Variants in SLC16A14 observed in about 807,000 individuals in gnomAD.
SLC16A14 encodes solute carrier family 16 member 14.
SLC16A14 carries 14 observed loss-of-function variants against 35.8 expected under a neutral mutation model. The ratio of observed to expected loss-of-function variants is 0.39; its 90% CI spans 0.26 to 0.61. SLC16A14 has a LOEUF of 0.61. Ranked by LOEUF, SLC16A14 falls within the 20% of genes least tolerant of loss-of-function variation. The pLI is 0.51. For missense variants in SLC16A14, 533 were observed against 655.0 expected, an observed-to-expected ratio of 0.81 and a Z score of 2.03; for synonymous variants, 248 against 258.9, an observed-to-expected ratio of 0.96 and a Z score of 0.40.
intron 4 of SLC16A14, among the ~76,000 whole-genome samples, chr2:230,043,006 T>C (rs1339954519): frequency 6.6e-6 from 1 of 152,262 alleles, no homozygotes; most frequent in East Asian, 1.9e-4. Flanking sequence ...TTTCTGGTTA[T>C]GTGACAGAAA....
At chr2:230,059,430 G>A in intron 1 of SLC16A14, 64 bp from the exon 2 acceptor site, 1 of 1,290,100 alleles carries the variant, frequency 7.8e-7, no homozygotes, top group Non-Finnish European at 1.1e-6. Flanking sequence ...CATCTTCTTT[G>A]TGCAGCTCTA....
intron 2 of SLC16A14, among the ~76,000 whole-genome samples, chr2:230,055,359 G>A (rs2077696470): frequency 6.6e-6 from 1 of 152,140 alleles, no homozygotes; most frequent in African/African-American, 2.4e-5. Context: ...AGGAAGCTTG[G>A]GATAATGGAC....
At chr2:230,052,974 G>T (rs1253962523) in intron 2 of SLC16A14, among the ~76,000 whole-genome samples, 1 of 149,454 alleles carries the variant, frequency 6.7e-6, no homozygotes, top group Non-Finnish European at 1.5e-5. Context: ...AGAGTTTCAC[G>T]CTTGTTGCCC....
rs764625533 is a variant in SLC16A14, at chr2:230,049,804, A to G, written c.360T>C (p.Ala120=). The change falls in exon 3 of 5, where the codon GCT becomes GCC. Residue 120 remains alanine, a synonymous_variant. Coordinates refer to ENST00000295190, the MANE Select transcript of SLC16A14 (RefSeq NM_152527.5). ...TAATGAAGAGATAATGCACGTTTGC[A>G]GCATAGGCACTCAACACCCAGCCCA... ...NSLGWVLSAY[A]ANVHYLFITF... 2.5e-6 allele frequency: 4 copies of G among 1,614,228 alleles called. No homozygotes were observed.
At chr2:230,062,366 T>TTTG (rs61181133) in intron 1 of SLC16A14, among the ~76,000 whole-genome samples, 1 of 150,228 alleles carries the variant, frequency 6.7e-6, no homozygotes. Flanking sequence ...TTTTTTTTTT[T>TTTG]GAGACAGGGT....
At chr2:230,065,521 C>A (rs3923567) in intron 1 of SLC16A14, among the ~76,000 whole-genome samples, 105,489 of 152,044 alleles carry the variant, frequency 0.69, 37,339 homozygotes, top group East Asian at 0.92. Flanking sequence ...TCTCAAAGTG[C>A]TGGGATTACA....
At chr2:230,048,504 G>A (rs918827253) in intron 3 of SLC16A14, among the ~76,000 whole-genome samples, 5 of 152,222 alleles carry the variant, frequency 3.3e-5, no homozygotes, top group Non-Finnish European at 7.3e-5. Flanking sequence ...GATTGTGGTG[G>A]CTGGCAGCCA....
intron 1 of SLC16A14, among the ~76,000 whole-genome samples, chr2:230,065,011 AAAAC>A (rs200915638): frequency 0.017 from 2,578 of 152,328 alleles, 30 homozygotes; most frequent in Non-Finnish European, 0.026. Context: ...ACTCCATCTC[AAAAC>A]AAACAAACAA....
In SLC16A14 at chr2:230,063,275, A is replaced by G. The variant is rs146854702; in HGVS notation, c.-14-3909T>C. Among the ~76,000 whole-genome samples, 912 of 137,388 alleles carry G rather than the reference A, an allele frequency of 6.6e-3. 10 individuals carry two copies. Among genetic ancestry groups the G allele is most frequent in the African/African-American group, 0.022 (800 of 36,170 alleles). The allele number at this position is 137,388 out of a possible 152,430, so 90.1% of individuals were successfully genotyped here. ...CACTGCACTCCAGCCTGGGTTAAAG[A>G]GCGAAACTCTGTCTCAAAAAAAAAA... On this transcript the variant is annotated intron_variant, in intron 1 of 4. Coordinates refer to ENST00000295190, the MANE Select transcript of SLC16A14 (RefSeq NM_152527.5).
intron 2 of SLC16A14, among the ~76,000 whole-genome samples, chr2:230,057,152 AC>A: frequency 6.6e-6 from 1 of 152,290 alleles, no homozygotes; most frequent in East Asian, 1.9e-4. Context: ...CAACTGAAAA[AC>A]GTCATAGTGG....
intron 1 of SLC16A14, among the ~76,000 whole-genome samples, chr2:230,060,492 GC>G (rs1485527948): frequency 6.6e-6 from 1 of 150,952 alleles, no homozygotes; most frequent in Admixed American, 6.6e-5. Flanking sequence ...ACAGGTACAT[GC>G]CACCATGCCT....
In SLC16A14 at chr2:230,037,332, G is replaced by C; in HGVS notation, c.*48C>G. 4.0e-6 allele frequency: 6 copies of C among 1,500,032 alleles called. No individual in the cohort carries two copies. Among genetic ancestry groups the C allele is most frequent in the Non-Finnish European group, 5.3e-6 (6 of 1,123,674 alleles). 92.9% of individuals were successfully genotyped at this position (1,500,032 alleles called of 1,614,324 possible). A position where few individuals can be genotyped will look rare whatever the true frequency, so the allele number is the denominator to read the frequency against. The stretch of plus-strand genomic sequence containing the variant: ...TAGGTGCCTCACAGCAACCATGCGA[G>C]GTAGGCATGAGTATTACAATGAAAC... On this transcript the variant is annotated 3_prime_UTR_variant, in exon 5 of 5. Transcript: ENST00000295190.
intron 1 of SLC16A14, among the ~76,000 whole-genome samples, chr2:230,059,719 C>T (rs1030646359): frequency 5.3e-5 from 8 of 152,328 alleles, no homozygotes; most frequent in Non-Finnish European, 1.0e-4. Context: ...TACCCTGTCT[C>T]CCTTATAGAG....
rs1356512803 is a variant in SLC16A14 at position 230,038,721 on chromosome 2, A to G, written c.1382-1190T>C. On this transcript the variant is annotated intron_variant, in intron 4 of 4. Coordinates refer to ENST00000295190, the MANE Select transcript of SLC16A14 (RefSeq NM_152527.5). The surrounding 1 kb of genome is among the most constrained non-coding windows in gnomAD (Gnocchi z 4.4). ...GGAGTTCGAGACCAGCCTGGCCAACATGGCAAAACCCCCATCTCTACTAAA... is the reference window on the plus strand; with the variant it reads ...GGAGTTCGAGACCAGCCTGGCCAACGTGGCAAAACCCCCATCTCTACTAAA... Among the ~76,000 whole-genome samples, 1 of 152,134 alleles carries G rather than the reference A, an allele frequency of 6.6e-6. No homozygotes were observed. The highest frequency in any genetic ancestry group is 6.6e-5 in the Admixed American group (1 of 15,258).
At chr2:230,055,832 G>A (rs1042937342) in intron 2 of SLC16A14, among the ~76,000 whole-genome samples, 1 of 152,066 alleles carries the variant, frequency 6.6e-6, no homozygotes, top group African/African-American at 2.4e-5. Context: ...AAATCTACAT[G>A]TGTTTTGTTT....
chr2:230,044,046 T>C (rs1322325000), intron 4 of SLC16A14, among the ~76,000 whole-genome samples: 1 of 152,212 alleles, frequency 6.6e-6, no homozygotes, highest in Non-Finnish European at 1.5e-5. Flanking sequence ...GAAGTCCTAA[T>C]TTCTGGACCC....
chr2:230,042,822 T>C (rs913480447), intron 4 of SLC16A14, among the ~76,000 whole-genome samples: 5 of 152,270 alleles, frequency 3.3e-5, no homozygotes, highest in African/African-American at 1.2e-4. Context: ...CAGATGTAAG[T>C]GGAATTTTGC....
chr2:230,037,345 A>G lies in SLC16A14; in HGVS notation c.*35T>C. On this transcript the variant is annotated 3_prime_UTR_variant, in exon 5 of 5. Coordinates refer to ENST00000295190, the MANE Select transcript of SLC16A14 (RefSeq NM_152527.5). ...GCAACCATGCGAGGTAGGCATGAGTATTACAATGAAACCTACACGGAACAT... is the reference window on the plus strand; with the variant it reads ...GCAACCATGCGAGGTAGGCATGAGTGTTACAATGAAACCTACACGGAACAT... The G allele has an allele frequency of 1.3e-6, 2 of 1,549,732 alleles. No homozygotes were observed. Among genetic ancestry groups the G allele is most frequent in the Non-Finnish European group, 1.7e-6 (2 of 1,151,690 alleles).
Position 230,048,779 on chromosome 2 carries a change from T to A in SLC16A14, c.403+982A>T, listed in dbSNP as rs547718411. On this transcript the variant is annotated intron_variant, in intron 3 of 4. Transcript: ENST00000295190. ...TCTCTACTAAAAATACAAAATTAGC[T>A]GGGCATGGTGGTGCATGCCTGTAAT... is the stretch of plus-strand genomic sequence containing the variant. Among the ~76,000 whole-genome samples the A allele has an allele frequency of 2.0e-3, 300 of 151,776 alleles. 1 individual carries two copies. Among genetic ancestry groups the A allele is most frequent in the African/African-American group, 7.1e-3 (293 of 41,420 alleles).
Sources: gnomAD v4.1 joint callset for allele counts (sites outside exome capture counted in the v4.1 genomes callset) on GRCh38, gnomAD v4.1.1 for gene constraint, Gnocchi (gnomAD v3.1) non-coding constraint, MANE v1.5 for transcripts, NCBI Gene and HGNC (gene_info 2026-07-23, HGNC 2026-07-21) for gene names.